Variants in ADAMTS2 observed in about 807,000 individuals in gnomAD.
ADAMTS2 encodes ADAM metallopeptidase with thrombospondin type 1 motif 2, also known as A disintegrin and metalloproteinase with thrombospondin motifs 2.
A neutral mutation model predicts 123.0 loss-of-function variants in ADAMTS2; 50 were observed. The ratio of observed to expected loss-of-function variants is 0.41; its 90% CI spans 0.32 to 0.51. The LOEUF (loss-of-function observed/expected upper bound fraction) is 0.51. Among genes scored for constraint, ADAMTS2 ranks in the 20% least tolerant of loss-of-function variants. The pLI, the probability that ADAMTS2 is intolerant of heterozygous loss-of-function variation, is 0.35. For missense variants in ADAMTS2, 1,494 were observed against 1,705.2 expected (o/e 0.88, Z 2.18); for synonymous variants, 678 against 695.4 (o/e 0.98, Z 0.39).
chr5:179,209,572 G>GCACACACACACGCACACACACA (rs1434543185), intron 3 of ADAMTS2, among the ~76,000 whole-genome samples: 5 of 151,214 alleles, frequency 3.3e-5, no homozygotes, highest in South Asian at 2.1e-4. Flanking sequence ...GCACACACAT[G>GCACACACACACGCACACACACA]CACACACATG....
At chr5:179,177,689 G>A (rs1328215840) in intron 5 of ADAMTS2, among the ~76,000 whole-genome samples, 1 of 151,900 alleles carries the variant, frequency 6.6e-6, no homozygotes, top group Non-Finnish European at 1.5e-5. Flanking sequence ...CACCTTCAGG[G>A]TTTGACTCTC....
At chr5:179,168,216 C>T (rs924198774) in intron 5 of ADAMTS2, among the ~76,000 whole-genome samples, 2 of 152,194 alleles carry the variant, frequency 1.3e-5, no homozygotes, top group Admixed American at 1.3e-4. Context: ...GGAACCCTCC[C>T]CCTAGTCGTG....
At chr5:179,154,739 G>A in intron 7 of ADAMTS2, 75 bp downstream of exon 7, 1 of 1,249,636 alleles carries the variant, frequency 8.0e-7, no homozygotes, top group South Asian at 1.3e-5. Context: ...TTAAGGCACA[G>A]AGGAGAAGTG....
chr5:179,261,430 C>T (rs1379349361), intron 3 of ADAMTS2, among the ~76,000 whole-genome samples: 1 of 152,226 alleles, frequency 6.6e-6, no homozygotes, highest in African/African-American at 2.4e-5. Context: ...GCTGGGATTT[C>T]CTAATTCATT....
At position 179,188,710 on chromosome 5, in the gene ADAMTS2, A is replaced by T. The variant is rs969137444; in HGVS notation, c.892-7555T>A. ...TACCCAGCGCAGGAACACTCTGCCC[A>T]AGGCCACCCCCTCACTCCTCAGGCG... On this transcript the variant is annotated intron_variant, in intron 4 of 21. Coordinates refer to ENST00000251582, the MANE Select transcript of ADAMTS2 (RefSeq NM_014244.5). This position sits in a 1 kb window ranked among gnomAD's most constrained non-coding sequence, Gnocchi z 5.1. 3.9e-5 allele frequency among the ~76,000 whole-genome samples: 6 copies of T among 152,120 alleles called. No homozygotes were observed. Among genetic ancestry groups the T allele is most frequent in the Non-Finnish European group, 8.8e-5 (6 of 68,018 alleles).
rs1756711414 is a variant in ADAMTS2, at chr5:179,307,433, G to T, written c.535-34369C>A. On this transcript the variant is annotated intron_variant, in intron 2 of 21. Transcript: ENST00000251582. This position sits in a 1 kb window ranked among gnomAD's most constrained non-coding sequence, Gnocchi z 5.6. ...AGCATTCAACAGCCCGGTCCGGGGG[G>T]CACCACCACGCAGGGGCTTCCCGGG... Among the ~76,000 whole-genome samples the T allele has an allele frequency of 6.6e-6, 1 of 152,096 alleles. No homozygotes were observed. Among genetic ancestry groups the T allele is most frequent in the Non-Finnish European group, 1.5e-5 (1 of 68,012 alleles).
chr5:179,255,219 T>C (rs567681406), intron 3 of ADAMTS2, among the ~76,000 whole-genome samples: 6 of 152,212 alleles, frequency 3.9e-5, no homozygotes, highest in African/African-American at 9.6e-5. Flanking sequence ...GGATGACAGA[T>C]GGATAAATGG....
chr5:179,274,724 G>A (rs375911535), intron 2 of ADAMTS2, among the ~76,000 whole-genome samples: 39 of 152,350 alleles, frequency 2.6e-4, no homozygotes, highest in African/African-American at 8.2e-4. Flanking sequence ...CCTGCTGGGC[G>A]GCTGCCCCTA....
chr5:179,323,362 C>G (rs1008259011), intron 2 of ADAMTS2, among the ~76,000 whole-genome samples: 1 of 152,250 alleles, frequency 6.6e-6, no homozygotes, highest in Admixed American at 6.5e-5. Flanking sequence ...AAGCTAAGGA[C>G]AGAGAGAATA....
At chr5:179,237,696 G>A (rs986602052) in intron 3 of ADAMTS2, among the ~76,000 whole-genome samples, 13 of 152,274 alleles carry the variant, frequency 8.5e-5, no homozygotes, top group Middle Eastern at 3.4e-3. Context: ...TAAAGGAGAC[G>A]GGGCCTGATG....
At chr5:179,310,073 T>C (rs956397787) in intron 2 of ADAMTS2, among the ~76,000 whole-genome samples, 1 of 152,214 alleles carries the variant, frequency 6.6e-6, no homozygotes, top group African/African-American at 2.4e-5. Flanking sequence ...CCCAGGTTGA[T>C]GCCTTGACTG....
At chr5:179,210,359 G>A (rs955780751) in intron 3 of ADAMTS2, among the ~76,000 whole-genome samples, 4 of 152,226 alleles carry the variant, frequency 2.6e-5, no homozygotes, top group South Asian at 2.1e-4. Context: ...TGCTTCTGCC[G>A]AGCAGGCAGA....
At chr5:179,184,183 G>A (rs1258017718) in intron 4 of ADAMTS2, among the ~76,000 whole-genome samples, 2 of 152,162 alleles carry the variant, frequency 1.3e-5, no homozygotes, top group Non-Finnish European at 2.9e-5. Flanking sequence ...CTGGGGCTGA[G>A]TGCCCGAGAT....
rs1050476990 is a variant in ADAMTS2 at position 179,181,246 on chromosome 5, T to C, written c.892-91A>G. ...GGGATGACCCCCACCTGCTCCTTCTTCTTCCCATGCTTTCCACCCAGGCGT... is the reference window on the plus strand; with the variant it reads ...GGGATGACCCCCACCTGCTCCTTCTCCTTCCCATGCTTTCCACCCAGGCGT... On this transcript the variant is annotated intron_variant, in intron 4 of 21. Transcript: ENST00000251582. The surrounding 1 kb of genome is among the most constrained non-coding windows in gnomAD (Gnocchi z 4.1). 6.5e-6 allele frequency: 6 copies of C among 929,208 alleles called. No individual in the cohort carries two copies. Among genetic ancestry groups the C allele is most frequent in the Non-Finnish European group, 8.8e-6 (5 of 567,222 alleles). 57.6% of individuals were successfully genotyped at this position (929,208 alleles called of 1,614,324 possible).
At chr5:179,164,970 C>T (rs1439415195) in intron 5 of ADAMTS2, among the ~76,000 whole-genome samples, 1 of 152,218 alleles carries the variant, frequency 6.6e-6, no homozygotes, top group African/African-American at 2.4e-5. Flanking sequence ...ATCGGGGCAG[C>T]TGGACAGGTC....
At chr5:179,121,318 G>A (rs1474844318) in intron 21 of ADAMTS2, 4 of 174,410 alleles carry the variant, frequency 2.3e-5, no homozygotes, top group African/African-American at 4.7e-5. Context: ...GTCCCCGCAC[G>A]ACGCCGCGAG....
Position 179,317,579 on chromosome 5 carries a change from G to A in ADAMTS2, c.534+26188C>T, listed in dbSNP as rs1161894109. Among the ~76,000 whole-genome samples, 2 of 152,140 alleles carry A rather than the reference G, an allele frequency of 1.3e-5. No homozygotes were observed. The highest frequency in any genetic ancestry group is 2.9e-5 in the Non-Finnish European group (2 of 68,022). ...ACCTCTTCCTGCTGCCCAGACCATG[G>A]GTGGCCAGCAGCACTGCAGTGTTGG... On this transcript the variant is annotated intron_variant, in intron 2 of 21. Coordinates refer to ENST00000251582, the MANE Select transcript of ADAMTS2 (RefSeq NM_014244.5). The surrounding 1 kb of genome is among the most constrained non-coding windows in gnomAD (Gnocchi z 4.9).
intron 4 of ADAMTS2, among the ~76,000 whole-genome samples, chr5:179,195,863 G>T (rs1211940571): frequency 6.6e-6 from 1 of 152,216 alleles, no homozygotes; most frequent in African/African-American, 2.4e-5. Context: ...AGCAGACCCT[G>T]AACCCCGCTT....
rs756725431 is a variant in ADAMTS2 at position 179,130,740 on chromosome 5, T to A, written c.2291-642A>T. On this transcript the variant is annotated intron_variant, in intron 15 of 21. Coordinates refer to ENST00000251582, the MANE Select transcript of ADAMTS2 (RefSeq NM_014244.5). This position sits in a 1 kb window ranked among gnomAD's most constrained non-coding sequence, Gnocchi z 4.3. ...GCTGCTGCGGGGCAGCTGGGTGATG[T>A]GAGTGGGGCCGCAGACAGGGCACTA... 1.4e-4 allele frequency among the ~76,000 whole-genome samples: 22 copies of A among 152,128 alleles called. No individual in the cohort carries two copies. Among genetic ancestry groups the A allele is most frequent in the South Asian group, 2.1e-4 (1 of 4,824 alleles).
Sources: gnomAD v4.1 joint callset for allele counts (sites outside exome capture counted in the v4.1 genomes callset) on GRCh38, gnomAD v4.1.1 for gene constraint, Gnocchi (gnomAD v3.1) non-coding constraint, MANE v1.5 for transcripts, NCBI Gene and HGNC (gene_info 2026-07-23, HGNC 2026-07-21) for gene names.